GLRA3: variants seen among roughly 807,000 people sequenced by gnomAD.
The protein encoded by GLRA3 is glycine receptor alpha 3.
A neutral mutation model predicts 60.4 loss-of-function variants in GLRA3; 44 were observed. The ratio of observed to expected loss-of-function variants is 0.73; its 90% confidence interval spans 0.57 to 0.94. The LOEUF (loss-of-function observed/expected upper bound fraction) is 0.94, where lower values mean the gene tolerates loss of function less well. GLRA3 is among the 40% of genes least tolerant of loss of function. The pLI is 0.00. For missense variants in GLRA3, 508 were observed against 564.6 expected (o/e 0.90, Z 1.02); for synonymous variants, 223 against 192.9 (o/e 1.16, Z -1.29).
At chr4:174,764,951 T>C (rs976903770) in intron 3 of GLRA3, among the ~76,000 whole-genome samples, 2 of 152,038 alleles carry the variant, frequency 1.3e-5, no homozygotes, top group African/African-American at 4.8e-5. Context: ...AAGGTGGACA[T>C]GATTAGGTTT....
At chr4:174,767,116 T>A in intron 2 of GLRA3, 86 bp from the exon 3 acceptor site, 2 of 695,976 alleles carry the variant, frequency 2.9e-6, no homozygotes, top group Admixed American at 2.1e-5. Flanking sequence ...TTATTATTAT[T>A]CCATTTTACA....
chr4:174,736,307 T>A (rs1221772449), intron 3 of GLRA3, among the ~76,000 whole-genome samples: 1 of 152,088 alleles, frequency 6.6e-6, no homozygotes, highest in Admixed American at 6.5e-5. Flanking sequence ...AATTTAAAAA[T>A]TTAAAAAATC....
At chr4:174,813,251 A>AT (rs1740341513) in intron 1 of GLRA3, among the ~76,000 whole-genome samples, 5 of 152,162 alleles carry the variant, frequency 3.3e-5, no homozygotes, top group Non-Finnish European at 5.9e-5. Context: ...TGAGATGATT[A>AT]TTTTTTCTCT....
chr4:174,725,664 T>A (rs1736296678), intron 4 of GLRA3, among the ~76,000 whole-genome samples: 1 of 151,408 alleles, frequency 6.6e-6, no homozygotes, highest in African/African-American at 2.4e-5. Flanking sequence ...TGTTTTTTTG[T>A]AGAGACAGGG....
At chr4:174,696,430 CAT>C (rs1354649356) in intron 5 of GLRA3, among the ~76,000 whole-genome samples, 7 of 149,666 alleles carry the variant, frequency 4.7e-5, no homozygotes, top group Non-Finnish European at 8.9e-5. Context: ...ACGTGAATAA[CAT>C]ATGGAAAACA....
chr4:174,778,593 C>T (rs545794433), intron 2 of GLRA3, among the ~76,000 whole-genome samples: 1 of 151,272 alleles, frequency 6.6e-6, no homozygotes, highest in African/African-American at 2.4e-5. Flanking sequence ...GAGTGCCAGA[C>T]AGTGGGCGCA....
chr4:174,772,405 T>C (rs1738426950), intron 2 of GLRA3, among the ~76,000 whole-genome samples: 1 of 152,198 alleles, frequency 6.6e-6, no homozygotes, highest in Non-Finnish European at 1.5e-5. Flanking sequence ...GGTTATAACA[T>C]GTTCCTTGAT....
chr4:174,655,963 G>T (rs1733180325), intron 9 of GLRA3, among the ~76,000 whole-genome samples: 1 of 152,016 alleles, frequency 6.6e-6, no homozygotes, highest in Non-Finnish European at 1.5e-5. Context: ...AGAATCATCT[G>T]GAGAACTACT....
intron 3 of GLRA3, among the ~76,000 whole-genome samples, chr4:174,755,342 T>G (rs528032989): frequency 1.9e-4 from 29 of 152,106 alleles, no homozygotes; most frequent in African/African-American, 7.0e-4. Flanking sequence ...GGACACTGCA[T>G]TACAAAATTT....
At chr4:174,689,992 T>C (rs929346673) in intron 5 of GLRA3, among the ~76,000 whole-genome samples, 3 of 152,032 alleles carry the variant, frequency 2.0e-5, no homozygotes, top group Non-Finnish European at 4.4e-5. Flanking sequence ...GTGGAATATA[T>C]GCACAACGGA....
intron 8 of GLRA3, among the ~76,000 whole-genome samples, chr4:174,657,449 A>G (rs1035463688): frequency 6.6e-6 from 1 of 152,146 alleles, no homozygotes; most frequent in African/African-American, 2.4e-5. Context: ...GGAAAACCAA[A>G]ATGACAAAAA....
chr4:174,773,077 T>C (rs1738456253), intron 2 of GLRA3, among the ~76,000 whole-genome samples: 1 of 152,200 alleles, frequency 6.6e-6, no homozygotes, highest in Admixed American at 6.5e-5. Context: ...AATCTTCTAT[T>C]GCCATTACAG....
At chr4:174,762,911 A>G (rs1296715796) in intron 3 of GLRA3, among the ~76,000 whole-genome samples, 1 of 152,118 alleles carries the variant, frequency 6.6e-6, no homozygotes, top group Non-Finnish European at 1.5e-5. Flanking sequence ...CCCACCCCTG[A>G]CCAAAGATAG....
chr4:174,750,157 T>A (rs1217898428), intron 3 of GLRA3, among the ~76,000 whole-genome samples: 2 of 152,112 alleles, frequency 1.3e-5, no homozygotes, highest in Non-Finnish European at 2.9e-5. Context: ...ATTTTACCAT[T>A]TTTTGTGCAT....
rs1014664057 is a variant in GLRA3, at chr4:174,698,663, G to C, written c.575-15724C>G. Among the ~76,000 whole-genome samples the C allele has an allele frequency of 3.9e-5, 6 of 152,252 alleles. No individual in the cohort carries two copies. The South Asian group carries it at 6.2e-4, about 16-fold the overall frequency. On this transcript the variant is annotated intron_variant, in intron 5 of 9. Transcript: ENST00000274093. ...ATTTGAAGAGTATTATTATGAAAAA[G>C]TCTTTGTAATACTATAAAATTAAAA...
intron 4 of GLRA3, among the ~76,000 whole-genome samples, chr4:174,721,192 C>T (rs1389077334): frequency 6.6e-6 from 1 of 151,994 alleles, no homozygotes; most frequent in African/African-American, 2.4e-5. Flanking sequence ...CCACGCCTAG[C>T]TAATTTTTGT....
intron 5 of GLRA3, among the ~76,000 whole-genome samples, chr4:174,708,968 T>G (rs1735614310): frequency 6.6e-6 from 1 of 152,004 alleles, no homozygotes; most frequent in African/African-American, 2.4e-5. Flanking sequence ...AGTCTAGATC[T>G]TAATATAGGT....
intron 3 of GLRA3, among the ~76,000 whole-genome samples, chr4:174,738,023 AAT>A (rs1225740359): frequency 1.3e-5 from 2 of 152,166 alleles, no homozygotes; most frequent in African/African-American, 4.8e-5. Context: ...AAAGAAAAAA[AAT>A]AAATTGCATT....
At chr4:174,688,317 TCATATA>T (rs1292120836) in intron 5 of GLRA3, among the ~76,000 whole-genome samples, 3,694 of 71,178 alleles carry the variant, frequency 0.052, 498 homozygotes, top group Middle Eastern at 0.12. Flanking sequence ...TTACCTGACA[TCATATA>T]TATATATATA....
Sources: allele counts gnomAD v4.1 joint callset (sites outside exome capture counted in the v4.1 genomes callset), GRCh38; gene constraint gnomAD v4.1.1; transcripts MANE v1.5; gene names NCBI Gene and HGNC (gene_info 2026-07-23, HGNC 2026-07-21).